Variants in BACE2 observed in about 807,000 individuals in gnomAD.
BACE2 encodes the protein 56 kDa aspartic-like protease.
BACE2 carries 17 observed loss-of-function variants against 46.2 expected under a neutral mutation model. The observed-to-expected ratio is 0.37, with a 90% CI of 0.25 to 0.55. BACE2 has a LOEUF of 0.55. BACE2 is among the 20% of genes least tolerant of loss of function. The probability of loss-of-function intolerance (pLI) is 0.82; values close to 1 mark genes in which losing one functional copy is unlikely to be tolerated. For missense variants in BACE2, 595 were observed against 698.1 expected, an observed-to-expected ratio of 0.85 and a Z score of 1.66; for synonymous variants, 277 against 295.9, an observed-to-expected ratio of 0.94 and a Z score of 0.66.
intron 2 of BACE2, among the ~76,000 whole-genome samples, chr21:41,229,644 AC>A (rs1986919574): frequency 6.6e-6 from 1 of 152,096 alleles, no homozygotes; most frequent in Non-Finnish European, 1.5e-5. Context: ...TAGACAACCC[AC>A]CGCATCTTTC....
rs187754425 is a variant in BACE2 at position 41,193,112 on chromosome 21, A to C, written c.312+24537A>C. ...GTCATCAAACTAATGGACCAGTGTG[A>C]TATCTCGTGGAAACGAAAAGCGATC... is the stretch of plus-strand genomic sequence containing the variant. On this transcript the variant is annotated intron_variant, in intron 1 of 8. Coordinates refer to ENST00000330333, the MANE Select transcript of BACE2 (RefSeq NM_012105.5). The surrounding 1 kb of genome is among the most constrained non-coding windows in gnomAD (Gnocchi z 4.2). 6.6e-6 allele frequency among the ~76,000 whole-genome samples: 1 copy of C among 152,332 alleles called. No individual in the cohort carries two copies. Among genetic ancestry groups the C allele is most frequent in the Admixed American group, 6.5e-5 (1 of 15,308 alleles).
intron 1 of BACE2, among the ~76,000 whole-genome samples, chr21:41,219,464 T>C (rs1459260446): frequency 2.6e-5 from 4 of 152,212 alleles, no homozygotes; most frequent in African/African-American, 9.6e-5. Context: ...TCTCTTAAAA[T>C]AATTCAGTTT....
chr21:41,179,701 G>A, intron 1 of BACE2: 2 of 1,273,786 alleles, frequency 1.6e-6, no homozygotes. Flanking sequence ...AAAACATTGT[G>A]CTTCCCTGCT....
intron 1 of BACE2, chr21:41,179,400 G>A (rs1427263758): frequency 6.0e-6 from 8 of 1,324,966 alleles, no homozygotes; most frequent in Admixed American, 2.2e-5. Context: ...GGTGAGTGAG[G>A]GTGTCCAGGG....
In BACE2 at chr21:41,281,507, A is replaced by T. The variant is rs7280091; in HGVS notation, c.*5883A>T. 0.6 allele frequency: 91,628 copies of T among 152,078 alleles called. 28,743 individuals are homozygous for T. Among genetic ancestry groups the T allele is most frequent in the East Asian group, 0.85 (4,388 of 5,178 alleles). The allele number at this position is 152,078 out of a possible 1,614,324, so 9.4% of individuals were successfully genotyped here. ...GGGAAGTGTCTCCAAAGGTCAGGAC[A>T]TATGTTTTTCTGTTGAGTGCTATAT... On this transcript the variant is annotated 3_prime_UTR_variant, in exon 9 of 9. Transcript: ENST00000330333.
At chr21:41,206,906 C>T (rs978966733) in intron 1 of BACE2, among the ~76,000 whole-genome samples, 6 of 152,130 alleles carry the variant, frequency 3.9e-5, no homozygotes, top group Non-Finnish European at 2.9e-5. Context: ...CTGCAGCAGG[C>T]GTATATGCCT....
intron 3 of BACE2, 87 bp from the exon 4 acceptor site, chr21:41,241,732 G>A (rs939420868): frequency 6.7e-7 from 1 of 1,487,624 alleles, no homozygotes; most frequent in Non-Finnish European, 9.2e-7. Flanking sequence ...CACCAGGAAT[G>A]TCTGTGGCGC....
intron 1 of BACE2, among the ~76,000 whole-genome samples, chr21:41,172,146 G>A (rs1984629436): frequency 6.6e-6 from 1 of 152,180 alleles, no homozygotes; most frequent in South Asian, 2.1e-4. Context: ...AACAATTACT[G>A]AGGTTGAAAG....
chr21:41,172,399 C>T (rs531334782), intron 1 of BACE2, among the ~76,000 whole-genome samples: 3 of 152,342 alleles, frequency 2.0e-5, no homozygotes, highest in Admixed American at 1.3e-4. Flanking sequence ...AAGCCCTGTG[C>T]GTGGCTCACC....
chr21:41,179,811 T>A (rs1985042603), intron 1 of BACE2: 1 of 480,868 alleles, frequency 2.1e-6, no homozygotes, highest in Non-Finnish European at 3.7e-6. Flanking sequence ...AACAGTGTCC[T>A]GGGCTGCTTT....
chr21:41,245,875 A>G lies in BACE2; in HGVS notation c.883-87A>G, dbSNP rs1437880763. ...GTGGCTGCCTGGATTTGTGTGTAACAGACAGATGGTGATGGCGGCTAGAGC... is the reference window on the plus strand; with the variant it reads ...GTGGCTGCCTGGATTTGTGTGTAACGGACAGATGGTGATGGCGGCTAGAGC... On this transcript the variant is annotated intron_variant, in intron 5 of 8. Coordinates refer to ENST00000330333, the MANE Select transcript of BACE2 (RefSeq NM_012105.5). 3 of 947,004 alleles carry G rather than the reference A, an allele frequency of 3.2e-6. No homozygotes were observed. The African/African-American group carries it at 4.9e-5, about 15-fold the overall frequency. 58.7% of individuals were successfully genotyped at this position (947,004 alleles called of 1,614,324 possible).
At chr21:41,195,215 T>C (rs1440916878) in intron 1 of BACE2, among the ~76,000 whole-genome samples, 1 of 152,242 alleles carries the variant, frequency 6.6e-6, no homozygotes, top group Non-Finnish European at 1.5e-5. Context: ...AGATGCCGTC[T>C]CACCAAAGCC....
intron 1 of BACE2, among the ~76,000 whole-genome samples, chr21:41,192,778 C>T (rs1389376647): frequency 6.6e-6 from 1 of 152,256 alleles, no homozygotes; most frequent in Non-Finnish European, 1.5e-5. Context: ...TCAAAATTGG[C>T]AGCCTTTCGG....
In BACE2 at chr21:41,282,026, G is replaced by A. The variant is rs1295503528; in HGVS notation, c.*6402G>A. 6.6e-6 allele frequency: 1 copy of A among 152,180 alleles called. No homozygotes were observed. The highest frequency in any genetic ancestry group is 1.5e-5 in the Non-Finnish European group (1 of 68,028). The allele number at this position is 152,180 out of a possible 1,614,324, so 9.4% of individuals were successfully genotyped here. ...AAATTCTTAAAGTTTAATATGTTAT[G>A]TTCAGTCATTGAAAGCGACCACTCA... On this transcript the variant is annotated 3_prime_UTR_variant, in exon 9 of 9. Transcript: ENST00000330333.
At chr21:41,187,811 C>G (rs1412711858) in intron 1 of BACE2, among the ~76,000 whole-genome samples, 1 of 152,168 alleles carries the variant, frequency 6.6e-6, no homozygotes, top group Non-Finnish European at 1.5e-5. Context: ...TTTAGAATGG[C>G]TGGGCTTTGT....
chr21:41,223,797 T>G (rs2123569263), intron 1 of BACE2, among the ~76,000 whole-genome samples: 1 of 152,272 alleles, frequency 6.6e-6, no homozygotes, highest in South Asian at 2.1e-4. Context: ...GTTGAATAGG[T>G]AGAGCCCAGA....
At position 41,168,484 on chromosome 21, in the gene BACE2, C is replaced by A; in HGVS notation, c.221C>A (p.Ala74Asp). 1 of 1,389,832 alleles carries A rather than the reference C, an allele frequency of 7.2e-7. No homozygotes were observed. Among genetic ancestry groups the A allele is most frequent in the Non-Finnish European group, 9.4e-7 (1 of 1,068,108 alleles). The allele number at this position is 1,389,832 out of a possible 1,614,324, so 86.1% of individuals were successfully genotyped here. A position where few individuals can be genotyped will look rare whatever the true frequency, so the allele number is the denominator to read the frequency against. The change falls in exon 1 of 9, where the codon GCC becomes GAC. Residue 74 changes from alanine to aspartate, a missense_variant. Ala to Asp is a moderately radical substitution (Grantham distance 126). This residue lies in a region of BACE2 where 248 missense variants were observed against 261.4 expected (regional missense o/e 0.95). Coordinates refer to ENST00000330333, the MANE Select transcript of BACE2 (RefSeq NM_012105.5). Reference protein sequence around the residue: ...LEPALASPAGAANFLAMVDNL... With the variant: ...LEPALASPAGDANFLAMVDNL... The stretch of plus-strand genomic sequence containing the variant: ...CCTGCCCTGGCGTCCCCCGCGGGCG[C>A]CGCCAACTTCTTGGCCATGGTAGAC...
chr21:41,237,537 C>T lies in BACE2; in HGVS notation c.426C>T (p.Gly142=), dbSNP rs752633127. The stretch of plus-strand genomic sequence containing the variant: ...GGTCTAGCACATACCGCTCCAAGGG[C>T]TTTGACGTCACAGTGAAGTACACAC... ...TERSSTYRSK[G]FDVTVKYTQG... is the part of the protein sequence containing the mutation. Residue 142 remains glycine, a synonymous_variant, in exon 3 of 9, where the codon GGC becomes GGT. Transcript: ENST00000330333. 2 of 1,614,162 alleles carry T rather than the reference C, an allele frequency of 1.2e-6. No homozygotes were observed. The highest frequency in any genetic ancestry group is 1.1e-5 in the South Asian group (1 of 91,084).
In BACE2 at chr21:41,168,323, C is replaced by T. The variant is rs1984455109; in HGVS notation, c.60C>T (p.Ala20=). ...LPLLAQWLLR[A]APELAPAPFT... is the part of the protein sequence containing the mutation. ...TGCTGGCCCAGTGGCTCCTGCGCGC[C>T]GCCCCGGAGCTGGCCCCCGCGCCCT... is the stretch of plus-strand genomic sequence containing the variant. The change falls in exon 1 of 9, where the codon GCC becomes GCT. Residue 20 remains alanine (A), a synonymous_variant. Transcript: ENST00000330333. 3.0e-6 allele frequency: 4 copies of T among 1,340,308 alleles called. No individual in the cohort carries two copies. The highest frequency in any genetic ancestry group is 3.8e-6 in the Non-Finnish European group (4 of 1,045,050). The allele number at this position is 1,340,308 out of a possible 1,614,324, so 83.0% of individuals were successfully genotyped here.
Sources: gnomAD v4.1 joint callset for allele counts (sites outside exome capture counted in the v4.1 genomes callset) on GRCh38, gnomAD v4.1.1 for gene constraint, gnomAD v4.1.1 regional missense constraint, Gnocchi (gnomAD v3.1) non-coding constraint, MANE v1.5 for transcripts, NCBI Gene and HGNC (gene_info 2026-07-23, HGNC 2026-07-21) for gene names.